Variants in FAM86B1 observed in about 807,000 individuals in gnomAD.
FAM86B1 encodes the protein family with sequence similarity 86 member B1 (gene/pseudogene), also known as putative protein N-methyltransferase FAM86B1.
For synonymous variants in FAM86B1, 4 were observed against 137.6 expected (o/e 0.03, Z 6.79); for missense variants, 13 against 328.1 (o/e 0.04, Z 7.42).
At position 12,189,246 on chromosome 8, in the gene FAM86B1, CA is replaced by C. The variant is rs1282299593; in HGVS notation, c.240+561del. On this transcript the variant is annotated intron_variant, in intron 3 of 6. Transcript: ENST00000448228. ...TGGGCAACACAGTGAGACTCTGTCTCAAAAAAAATATATAAATAAATAAATA... is the reference window on the plus strand; with the variant it reads ...TGGGCAACACAGTGAGACTCTGTCTCAAAAAAATATATAAATAAATAAATA... 5.8e-3 allele frequency among the ~76,000 whole-genome samples: 812 copies of C among 140,576 alleles called. 5 individuals carry two copies. The highest frequency in any genetic ancestry group is 0.022 in the African/African-American group (759 of 34,040). 92.2% of individuals were successfully genotyped at this position (140,576 alleles called of 152,430 possible). A position where few individuals can be genotyped will look rare whatever the true frequency, so the allele number is the denominator to read the frequency against.
chr8:12,193,139 A>G (rs1807209566), intron 1 of FAM86B1, among the ~76,000 whole-genome samples: 1 of 143,868 alleles, frequency 7.0e-6, no homozygotes, highest in Non-Finnish European at 1.5e-5. Context: ...GTGAACAATT[A>G]TAGTCAATAT....
At chr8:12,189,249 AAAAAATAT>A (rs1463716615) in intron 3 of FAM86B1, among the ~76,000 whole-genome samples, 4 of 140,934 alleles carry the variant, frequency 2.8e-5, no homozygotes, top group Admixed American at 1.4e-4. Flanking sequence ...TCTGTCTCAA[AAAAAATAT>A]ATAAATAAAT....
In FAM86B1 at chr8:12,193,184, C is replaced by A. The variant is rs1189687116; in HGVS notation, c.96+791G>T. On this transcript the variant is annotated intron_variant, in intron 1 of 6. Coordinates refer to ENST00000448228, the MANE Select transcript of FAM86B1 (RefSeq NM_001083537.4). Reference sequence around the variant, plus strand: ...ACCTATGATGCTTTTATGAAGGTTTCTATTTTGGGTTAAAAATGCACACAT... The same window carrying A: ...ACCTATGATGCTTTTATGAAGGTTTATATTTTGGGTTAAAAATGCACACAT... Among the ~76,000 whole-genome samples, 25 of 144,830 alleles carry A rather than the reference C, an allele frequency of 1.7e-4. 1 individual carries two copies. The highest frequency in any genetic ancestry group is 6.8e-4 in the African/African-American group (24 of 35,258).
At chr8:12,185,096 G>T in intron 6 of FAM86B1, 2 of 858,156 alleles carry the variant, frequency 2.3e-6, no homozygotes, top group South Asian at 1.7e-5. Flanking sequence ...TTATAGATGA[G>T]GAAACCGAGG....
chr8:12,189,315 T>G (rs1261687935), intron 3 of FAM86B1, among the ~76,000 whole-genome samples: 1 of 109,132 alleles, frequency 9.2e-6, no homozygotes, highest in East Asian at 2.5e-4. Context: ...AAAAATAAAA[T>G]CCATCCTATA....
intron 2 of FAM86B1, among the ~76,000 whole-genome samples, chr8:12,191,452 G>A (rs1806869051): frequency 8.6e-6 from 1 of 115,796 alleles, no homozygotes; most frequent in South Asian, 2.7e-4. Context: ...AAAAAAGAAA[G>A]TCTCTGAGCA....
chr8:12,186,152 A>C, intron 5 of FAM86B1, 200 bp downstream of exon 5: 1 of 381,226 alleles, frequency 2.6e-6, no homozygotes, highest in Non-Finnish European at 4.1e-6. Flanking sequence ...GCCTGTCTCC[A>C]ACAACAGGGC....
chr8:12,192,768 T>G (rs1313118570), intron 1 of FAM86B1, among the ~76,000 whole-genome samples: 1 of 148,794 alleles, frequency 6.7e-6, no homozygotes, highest in South Asian at 2.1e-4. Context: ...AAGGCATTTA[T>G]TAAACATTTT....
chr8:12,187,296 A>T (rs544116639), intron 3 of FAM86B1, among the ~76,000 whole-genome samples: 1 of 17,228 alleles, frequency 5.8e-5, no homozygotes, highest in Non-Finnish European at 1.8e-4. Flanking sequence ...GGGTTCAAGC[A>T]ATTCTCCTGC....
At chr8:12,191,023 T>G (rs1360496416) in intron 2 of FAM86B1, among the ~76,000 whole-genome samples, 3 of 149,198 alleles carry the variant, frequency 2.0e-5, no homozygotes, top group South Asian at 2.1e-4. Flanking sequence ...CCTACTGTAT[T>G]GCCCCGAAAG....
At chr8:12,192,765 T>C (rs1807121088) in intron 1 of FAM86B1, among the ~76,000 whole-genome samples, 1 of 148,530 alleles carries the variant, frequency 6.7e-6, no homozygotes, top group Admixed American at 6.7e-5. Flanking sequence ...CGGAAGGCAT[T>C]TATTAAACAT....
chr8:12,191,130 G>C (rs1806798871), intron 2 of FAM86B1, among the ~76,000 whole-genome samples: 1 of 125,708 alleles, frequency 8.0e-6, no homozygotes, highest in Admixed American at 8.5e-5. Flanking sequence ...GGGCTGGGTG[G>C]GTGGGCGTGG....
intron 6 of FAM86B1, among the ~76,000 whole-genome samples, chr8:12,184,104 T>C (rs1326806693): frequency 1.6e-5 from 1 of 63,558 alleles, no homozygotes; most frequent in Non-Finnish European, 2.8e-5. Context: ...AGGCTTATAC[T>C]ATGTGTGCTG....
chr8:12,189,270 A>G (rs1431547124), intron 3 of FAM86B1, among the ~76,000 whole-genome samples: 2 of 44,972 alleles, frequency 4.4e-5, no homozygotes, highest in African/African-American at 1.8e-4. Flanking sequence ...AAATAAATAA[A>G]TAAATAAATA....
At chr8:12,194,443 G>C (rs1432960864), upstream of FAM86B1, 1 of 463,684 alleles carries the variant, frequency 2.2e-6, no homozygotes, top group Non-Finnish European at 3.9e-6. Flanking sequence ...GGGCATTAGG[G>C]CGCGGATAAA....
rs1313235023 is a variant in FAM86B1 at position 12,182,441 on chromosome 8, G to A, written c.*1165C>T. 1 of 1,165,314 alleles carries A rather than the reference G, an allele frequency of 8.6e-7. No homozygotes were observed. 72.2% of individuals were successfully genotyped at this position (1,165,314 alleles called of 1,614,324 possible). On this transcript the variant is annotated 3_prime_UTR_variant, in exon 7 of 7. Transcript: ENST00000448228. ...AGGGTCTCAAGTCCAAGTGAGGGGGGTTGTGAAGGGTCTCAAGTCCAAGTG... is the reference window on the plus strand; with the variant it reads ...AGGGTCTCAAGTCCAAGTGAGGGGGATTGTGAAGGGTCTCAAGTCCAAGTG...
intron 2 of FAM86B1, among the ~76,000 whole-genome samples, chr8:12,191,107 G>A (rs1806791747): frequency 7.3e-6 from 1 of 137,608 alleles, no homozygotes; most frequent in African/African-American, 3.0e-5. Context: ...TTCTTCACCG[G>A]GGCTCCTAGG....
chr8:12,186,268 C>T, intron 5 of FAM86B1, 84 bp downstream of exon 5: 7 of 1,214,966 alleles, frequency 5.8e-6, no homozygotes, highest in East Asian at 6.0e-5. Flanking sequence ...CCGACAGTGT[C>T]CATTGTTCCC....
At chr8:12,184,889 ATGT>A (rs1266518824) in intron 6 of FAM86B1, among the ~76,000 whole-genome samples, 5 of 99,050 alleles carry the variant, frequency 5.0e-5, no homozygotes, top group East Asian at 5.6e-4. Flanking sequence ...GGGTTGACAA[ATGT>A]CAGGTCTGAG....
Sources: allele counts gnomAD v4.1 joint callset (sites outside exome capture counted in the v4.1 genomes callset), GRCh38; gene constraint gnomAD v4.1.1; transcripts MANE v1.5; gene names NCBI Gene and HGNC (gene_info 2026-07-23, HGNC 2026-07-21).